The following CES5A variants were observed in gnomAD, a reference collection of about 807,000 sequenced individuals.
The protein encoded by CES5A is carboxylesterase 5.
A neutral mutation model predicts 62.9 loss-of-function variants in CES5A; 67 were observed. That is an observed-to-expected ratio of 1.07 (90% CI 0.88 to 1.31). The LOEUF (loss-of-function observed/expected upper bound fraction) is 1.31, where lower values mean the gene tolerates loss of function less well. CES5A is among the 50% of genes most tolerant of loss of function. The probability of loss-of-function intolerance (pLI) is 0.00; values close to 1 mark genes in which losing one functional copy is unlikely to be tolerated. For missense variants in CES5A, 748 were observed against 708.5 expected, an observed-to-expected ratio of 1.06 and a Z score of -0.63; for synonymous variants, 296 against 280.8, an observed-to-expected ratio of 1.05 and a Z score of -0.54.
intron 1 of CES5A, among the ~76,000 whole-genome samples, chr16:55,919,179 C>T (rs547992812): frequency 4.6e-5 from 7 of 152,372 alleles, no homozygotes; most frequent in South Asian, 2.1e-4. Context: ...CAGGCTGAGT[C>T]GCCCCAGGGC....
intron 1 of CES5A, among the ~76,000 whole-genome samples, chr16:55,954,510 T>C (rs1421486070): frequency 6.6e-6 from 1 of 152,198 alleles, no homozygotes; most frequent in East Asian, 1.9e-4. Context: ...GTGAAGAACA[T>C]TTTTAAACCA....
intron 1 of CES5A, among the ~76,000 whole-genome samples, chr16:55,897,117 T>C (rs545980379): frequency 6.6e-6 from 1 of 152,052 alleles, no homozygotes; most frequent in Admixed American, 6.5e-5. Flanking sequence ...GCTTGCCTTC[T>C]GCTCCTCTCC....
chr16:55,926,016 T>A (rs1278276998), upstream of CES5A, among the ~76,000 whole-genome samples: 1 of 152,012 alleles, frequency 6.6e-6, no homozygotes, highest in African/African-American at 2.4e-5. Context: ...TAAGTACAAA[T>A]ATATGGTTTC....
At chr16:55,889,594 C>A (rs2142431563) in intron 1 of CES5A, among the ~76,000 whole-genome samples, 1 of 152,152 alleles carries the variant, frequency 6.6e-6, no homozygotes, top group Non-Finnish European at 1.5e-5. Context: ...TGGTAGGCCA[C>A]CTGCCCCACC....
Position 55,859,566 on chromosome 16 carries a change from C to T in CES5A, c.1037G>A (p.Cys346Tyr), listed in dbSNP as rs147866901. 4 of 1,613,036 alleles carry T rather than the reference C, an allele frequency of 2.5e-6. No individual in the cohort carries two copies. In the African/African-American group the frequency reaches 5.3e-5, roughly 22 times the overall value. ...TCTTACCATAGGCAGCAGGAAGCCA[C>T]ACTCGTGGTTATTGACTCCGATGAT... ...PSIIGVNNHECGFLLPMKEAP... is the reference protein window; with the variant it reads ...PSIIGVNNHEYGFLLPMKEAP... The change falls in exon 8 of 13, where the codon TGT (cysteine) becomes TAT (tyrosine). Residue 346 changes from cysteine to tyrosine, a missense_variant. By Grantham distance (194) the Cys-to-Tyr change is radical (BLOSUM62 -2). Coordinates refer to ENST00000290567, the MANE Select transcript of CES5A (RefSeq NM_001143685.2).
chr16:55,873,730 C>T, intron 2 of CES5A, 103 bp downstream of exon 2: 1 of 1,059,700 alleles, frequency 9.4e-7, no homozygotes, highest in East Asian at 2.5e-5. Context: ...CTCCCTCCTC[C>T]CCCATCCATG....
intron 1 of CES5A, among the ~76,000 whole-genome samples, chr16:55,922,504 A>T (rs2034215873): frequency 6.6e-6 from 1 of 151,994 alleles, no homozygotes; most frequent in Non-Finnish European, 1.5e-5. Context: ...AACAATTATA[A>T]ATACTTATGT....
At chr16:55,953,624 A>T (rs1029765074) in intron 1 of CES5A, among the ~76,000 whole-genome samples, 1 of 152,138 alleles carries the variant, frequency 6.6e-6, no homozygotes, top group East Asian at 1.9e-4. Context: ...AAGAGTTAGG[A>T]TGTGAAGGGA....
chr16:55,937,275 C>T (rs762631443), intron 2 of CES5A, among the ~76,000 whole-genome samples: 50 of 152,316 alleles, frequency 3.3e-4, no homozygotes, highest in Admixed American at 5.2e-4. Context: ...CCCCAATCAC[C>T]TTGCATGATG....
intron 10 of CES5A, among the ~76,000 whole-genome samples, chr16:55,851,536 G>T (rs79999588): frequency 0.035 from 5,285 of 152,272 alleles, 296 homozygotes; most frequent in African/African-American, 0.12. Flanking sequence ...TGCACCCCTT[G>T]TGCATTGCTG....
intron 2 of CES5A, chr16:55,944,087 A>G: frequency 1.4e-6 from 1 of 702,132 alleles, no homozygotes; most frequent in East Asian, 2.7e-5. Context: ...AGGATAAATC[A>G]TCTTCCATTT....
chr16:55,938,734 TC>T (rs1438763559), intron 2 of CES5A, among the ~76,000 whole-genome samples: 3 of 26,182 alleles, frequency 1.1e-4, no homozygotes, highest in African/African-American at 7.9e-4. Context: ...AGACTCCATC[TC>T]AAAAAAAAAA....
chr16:55,871,749 G>C lies in CES5A; in HGVS notation c.293C>G (p.Ser98Ter). 1 of 1,613,982 alleles carries C rather than the reference G, an allele frequency of 6.2e-7. No homozygotes were observed. Among genetic ancestry groups the C allele is most frequent in the Non-Finnish European group, 8.5e-7 (1 of 1,179,940 alleles). The change falls in exon 3 of 13, where the codon TCA becomes TGA. Residue 98 changes from serine to a stop codon, truncating the protein, a stop_gained. Transcript: ENST00000290567. LOFTEE classifies it high-confidence loss of function. Reference protein sequence around the residue: ...TSYPNLCLQNSEWLLLDQHML... With the variant: ...TSYPNLCLQN The stretch of plus-strand genomic sequence containing the variant: ...ATGTTGATCTAAGAGCAGCCACTCT[G>C]AGTTCTGGAGGCACCTTGGAGAAGG...
intron 1 of CES5A, among the ~76,000 whole-genome samples, chr16:55,897,306 G>C (rs58794185): frequency 0.15 from 22,325 of 152,138 alleles, 1,740 homozygotes; most frequent in South Asian, 0.17. Flanking sequence ...CAGGGGCAGG[G>C]GGAGTGATCT....
At chr16:55,927,553 A>G (rs1955899518), upstream of CES5A, among the ~76,000 whole-genome samples, 1 of 152,240 alleles carries the variant, frequency 6.6e-6, no homozygotes, top group African/African-American at 2.4e-5. Flanking sequence ...AATGCAAATT[A>G]AAACCACAGT....
chr16:55,890,481 T>C (rs1011851712), intron 1 of CES5A, among the ~76,000 whole-genome samples: 5 of 152,086 alleles, frequency 3.3e-5, no homozygotes, highest in African/African-American at 1.2e-4. Flanking sequence ...GCAGGAACTC[T>C]TCCAGAGAAT....
intron 2 of CES5A, among the ~76,000 whole-genome samples, chr16:55,948,629 G>T (rs2034522269): frequency 6.6e-6 from 1 of 152,070 alleles, no homozygotes; most frequent in Non-Finnish European, 1.5e-5. Context: ...TGCATGATTT[G>T]GTTTCCAAGC....
intron 1 of CES5A, among the ~76,000 whole-genome samples, chr16:55,923,156 T>C (rs932356976): frequency 4.0e-5 from 6 of 150,942 alleles, no homozygotes; most frequent in African/African-American, 1.5e-4. Flanking sequence ...ACAAAATTAA[T>C]AGAAGAAAGA....
At chr16:55,929,018 G>A (rs1264432276), upstream of CES5A, among the ~76,000 whole-genome samples, 1 of 152,174 alleles carries the variant, frequency 6.6e-6, no homozygotes, top group East Asian at 1.9e-4. Context: ...GTTAAGTTCA[G>A]GGGTGGAGCA....
Sources: gnomAD v4.1 joint callset for allele counts (sites outside exome capture counted in the v4.1 genomes callset) on GRCh38, gnomAD v4.1.1 for gene constraint, MANE v1.5 for transcripts, NCBI Gene and HGNC (gene_info 2026-07-23, HGNC 2026-07-21) for gene names.